Variants in NPAT observed in about 807,000 individuals in gnomAD.
NPAT encodes nuclear protein, coactivator of histone transcription, also known as protein NPAT.
NPAT carries 52 observed loss-of-function variants against 130.7 expected under a neutral mutation model. That is an observed-to-expected ratio of 0.40 (90% CI 0.32 to 0.50). The LOEUF (loss-of-function observed/expected upper bound fraction) is 0.50, where lower values mean the gene tolerates loss of function less well. Among genes scored for constraint, NPAT ranks in the 20% least tolerant of loss-of-function variants. The pLI, the probability that NPAT is intolerant of heterozygous loss-of-function variation, is 0.68. For synonymous variants in NPAT, 580 were observed against 584.8 expected, an observed-to-expected ratio of 0.99 and a Z score of 0.12; for missense variants, 1,687 against 1,662.6, an observed-to-expected ratio of 1.01 and a Z score of -0.26.
Position 108,173,746 on chromosome 11 carries a change from T to C in NPAT, c.1238A>G (p.Gln413Arg). 1.2e-6 allele frequency: 2 copies of C among 1,614,202 alleles called. No homozygotes were observed. Among genetic ancestry groups the C allele is most frequent in the African/African-American group, 1.3e-5 (1 of 75,066 alleles). The change falls in exon 13 of 18, where the codon CAG (glutamine) becomes CGG (arginine). Residue 413 changes from glutamine to arginine, a missense_variant. Physicochemically the swap from Gln to Arg is conservative, Grantham distance 43. Transcript: ENST00000278612. ...GGTACTTATTTGGGAAAAATTTTCC[T>C]GGTCTTCTTGTCTAAGCACATCATG... Reference protein sequence around the residue: ...NNHDVLRQEDQENFSQISTSI... With the variant: ...NNHDVLRQEDRENFSQISTSI...
At chr11:108,170,716 G>C (rs1366941295) in intron 13 of NPAT, among the ~76,000 whole-genome samples, 2 of 152,152 alleles carry the variant, frequency 1.3e-5, no homozygotes, top group Non-Finnish European at 2.9e-5. Flanking sequence ...CTCTGTCTAT[G>C]CTGGTGCTGC....
intron 10 of NPAT, among the ~76,000 whole-genome samples, chr11:108,181,863 G>A (rs1257722595): frequency 6.6e-6 from 1 of 152,106 alleles, no homozygotes; most frequent in African/African-American, 2.4e-5. Flanking sequence ...TTAGAAAGAC[G>A]GTATCTTTTC....
At chr11:108,162,483 C>T (rs559154310) in intron 15 of NPAT, among the ~76,000 whole-genome samples, 13 of 152,134 alleles carry the variant, frequency 8.5e-5, no homozygotes, top group Admixed American at 3.9e-4. Context: ...CAGGCTGGAG[C>T]GCAGTGGCAT....
intron 8 of NPAT, 112 bp downstream of exon 8, chr11:108,186,370 C>G: frequency 1.3e-6 from 1 of 797,554 alleles, no homozygotes; most frequent in Non-Finnish European, 2.2e-6. Flanking sequence ...TATCTATAAA[C>G]TTACTCCTGT....
In NPAT at chr11:108,176,266, G is replaced by T; in HGVS notation, c.1112C>A (p.Ser371Tyr). 6.3e-7 allele frequency: 1 copy of T among 1,582,828 alleles called. No homozygotes were observed. The highest frequency in any genetic ancestry group is 8.7e-7 in the Non-Finnish European group (1 of 1,152,128). ...CTTACCAGATTCTTCTGTTTCAAAA[G>T]AACCTTTAACTGCTAGATTAGTTTC... Reference protein sequence around the residue: ...ADETNLAVKGSFETEESDGQS... With the variant: ...ADETNLAVKGYFETEESDGQS... The change falls in exon 12 of 18, where the codon TCT becomes TAT. Residue 371 changes from serine to tyrosine, a missense_variant. This residue lies in a region of NPAT where 1,379 missense variants were observed against 1,346.6 expected (regional missense o/e 1.02). Transcript: ENST00000278612.
rs747394404 is a variant in NPAT, at chr11:108,172,618, C to T, written c.2366G>A (p.Cys789Tyr). Residue 789 changes from cysteine (C) to tyrosine (Y), a missense_variant, in exon 13 of 18, where the codon TGC becomes TAC. By Grantham distance (194) the Cys-to-Tyr change is radical. This residue lies in a region of NPAT where 1,379 missense variants were observed against 1,346.6 expected (regional missense o/e 1.02). Transcript: ENST00000278612. ...SPTKNAELVK[C>Y]LSSEETVGAV... ...ACCTACAGTTTCTTCTGAAGATAGG[C>T]ATTTAACTAGTTCTGCATTTTTAGT... 7 of 1,614,170 alleles carry T rather than the reference C, an allele frequency of 4.3e-6. No individual in the cohort carries two copies. The highest frequency in any genetic ancestry group is 1.7e-5 in the Admixed American group (1 of 60,010).
rs907062931 is a variant in NPAT, at chr11:108,193,887, C to A, written c.217+70G>T. On this transcript the variant is annotated intron_variant, in intron 3 of 17. Coordinates refer to ENST00000278612, the MANE Select transcript of NPAT (RefSeq NM_002519.3). ...TGAGACATTAATAACCTTTAGAAAT[C>A]ATTTTTAACTAAATCAAGTAGATAA... 1.8e-4 allele frequency: 174 copies of A among 960,316 alleles called. No individual in the cohort carries two copies. The South Asian group carries it at 2.3e-3, about 13-fold the overall frequency. 59.5% of individuals were successfully genotyped at this position (960,316 alleles called of 1,614,324 possible). A position where few individuals can be genotyped will look rare whatever the true frequency, so the allele number is the denominator to read the frequency against.
intron 2 of NPAT, among the ~76,000 whole-genome samples, chr11:108,196,218 G>A (rs1039894020): frequency 6.6e-6 from 1 of 152,188 alleles, no homozygotes; most frequent in African/African-American, 2.4e-5. Flanking sequence ...TTGTTGATAA[G>A]ACCATCCTTT....
chr11:108,211,386 T>C (rs1453048192), intron 1 of NPAT, among the ~76,000 whole-genome samples: 1 of 151,476 alleles, frequency 6.6e-6, no homozygotes, highest in Non-Finnish European at 1.5e-5. Flanking sequence ...CTACAAAAAA[T>C]ACAAAAGTTA....
chr11:108,181,136 G>A (rs953293713), intron 10 of NPAT, among the ~76,000 whole-genome samples: 8 of 152,210 alleles, frequency 5.3e-5, no homozygotes, highest in Admixed American at 1.3e-4. Context: ...TGTATTTGCA[G>A]ATAAGACCTT....
chr11:108,214,632 T>A (rs932945085), intron 1 of NPAT, among the ~76,000 whole-genome samples: 1 of 136,384 alleles, frequency 7.3e-6, no homozygotes, highest in Non-Finnish European at 1.6e-5. Flanking sequence ...ATGATTCCAA[T>A]TTTTTTTTTT....
At chr11:108,209,888 CAAAAAAAAAAA>C (rs58890849) in intron 1 of NPAT, among the ~76,000 whole-genome samples, 1 of 70,806 alleles carries the variant, frequency 1.4e-5, no homozygotes, top group Non-Finnish European at 2.5e-5. Context: ...GACTTCATCT[CAAAAAAAAAAA>C]AAAAAAAAAA....
At chr11:108,187,338 G>C (rs1462568222) in intron 7 of NPAT, among the ~76,000 whole-genome samples, 1 of 152,150 alleles carries the variant, frequency 6.6e-6, no homozygotes, top group Non-Finnish European at 1.5e-5. Context: ...TGTGCTGCTG[G>C]CTACTGGGGA....
chr11:108,173,994 CATTTACT>C, intron 12 of NPAT, 143 bp from the exon 13 acceptor site: 3 of 750,144 alleles, frequency 4.0e-6, no homozygotes, highest in African/African-American at 1.7e-5. Context: ...CTGTGTTTCC[CATTTACT>C]GAGTATCAAA....
At position 108,179,634 on chromosome 11, in the gene NPAT, G is replaced by A. The variant is rs973397062; in HGVS notation, c.907-2544C>T. ...TCATAAGGAAGGGTGGCTTATCCTCGTTTGAAAAGGGGAAAAAAGAAATCA... is the reference window on the plus strand; with the variant it reads ...TCATAAGGAAGGGTGGCTTATCCTCATTTGAAAAGGGGAAAAAAGAAATCA... On this transcript the variant is annotated intron_variant, in intron 10 of 17. Coordinates refer to ENST00000278612, the MANE Select transcript of NPAT (RefSeq NM_002519.3). 3.9e-5 allele frequency among the ~76,000 whole-genome samples: 6 copies of A among 152,084 alleles called. 1 individual carries two copies. The highest frequency in any genetic ancestry group is 4.1e-4 in the South Asian group (2 of 4,826).
At chr11:108,168,774 T>G (rs953796924) in intron 15 of NPAT, among the ~76,000 whole-genome samples, 1 of 152,114 alleles carries the variant, frequency 6.6e-6, no homozygotes, top group Non-Finnish European at 1.5e-5. Flanking sequence ...GTAGAAGAGA[T>G]AGCATTGGTA....
Position 108,160,931 on chromosome 11 carries a change from A to G in NPAT, c.4155T>C (p.Ser1385=), listed in dbSNP as rs1453209507. The part of the protein sequence containing the change: ...LDERERNSRP[S]SKNLTNSSIP... ...TTGATGAATTTGTAAGATTTTTACT[A>G]GAAGGACGAGAGTTTCGCTCACGTT... The change falls in exon 17 of 18, where the codon TCT becomes TCC. Residue 1385 remains serine (S), a synonymous_variant. Transcript: ENST00000278612. 1 of 1,614,182 alleles carries G rather than the reference A, an allele frequency of 6.2e-7. No individual in the cohort carries two copies. Among genetic ancestry groups the G allele is most frequent in the Non-Finnish European group, 8.5e-7 (1 of 1,180,014 alleles).
intron 1 of NPAT, among the ~76,000 whole-genome samples, chr11:108,199,682 G>A (rs933360189): frequency 7.2e-5 from 11 of 152,102 alleles, no homozygotes; most frequent in Non-Finnish European, 1.2e-4. Context: ...CATCACCCTC[G>A]GGTACTGGGA....
chr11:108,191,665 A>AT (rs1371585702), intron 4 of NPAT, among the ~76,000 whole-genome samples: 41 of 152,366 alleles, frequency 2.7e-4, no homozygotes, highest in African/African-American at 9.9e-4. Flanking sequence ...TCTATAGTCA[A>AT]ATATGAGATT....
Sources: allele counts gnomAD v4.1 joint callset (sites outside exome capture counted in the v4.1 genomes callset), GRCh38; gene constraint gnomAD v4.1.1; regional missense constraint gnomAD v4.1.1; transcripts MANE v1.5; gene names NCBI Gene and HGNC (gene_info 2026-07-23, HGNC 2026-07-21).